The following CCDC85C variants were observed in gnomAD, a reference collection of about 807,000 sequenced individuals.
The protein encoded by CCDC85C is coiled-coil domain containing 85C.
In CCDC85C, 18 loss-of-function variants were observed where a neutral mutation model predicts 38.3. The observed-to-expected ratio is 0.47, with a 90% CI of 0.33 to 0.70. The LOEUF is 0.70. Ranked by LOEUF, CCDC85C falls within the 30% of genes least tolerant of loss-of-function variation. The probability of loss-of-function intolerance (pLI) is 0.03; values close to 1 mark genes in which losing one functional copy is unlikely to be tolerated. For synonymous variants in CCDC85C, 264 were observed against 293.8 expected, an observed-to-expected ratio of 0.90 and a Z score of 1.04; for missense variants, 566 against 621.2, an observed-to-expected ratio of 0.91 and a Z score of 0.94.
Position 99,503,193 on chromosome 14 carries a change from C to T in CCDC85C, c.*12053G>A. The T allele has an allele frequency of 1.4e-6, 1 of 707,728 alleles. No individual in the cohort carries two copies. Among genetic ancestry groups the T allele is most frequent in the Non-Finnish European group, 2.5e-6 (1 of 393,878 alleles). The allele number at this position is 707,728 out of a possible 1,614,324, so 43.8% of individuals were successfully genotyped here. Reference sequence around the variant, plus strand: ...CCTCTGAGAACCAGGAGGGGGCTCTCTGCCCGGCTCCAGCCCTGCTGCCTG... The same window carrying T: ...CCTCTGAGAACCAGGAGGGGGCTCTTTGCCCGGCTCCAGCCCTGCTGCCTG... On this transcript the variant is annotated 3_prime_UTR_variant, in exon 6 of 6. Transcript: ENST00000380243.
At chr14:99,562,896 T>A (rs1461169195) in intron 1 of CCDC85C, among the ~76,000 whole-genome samples, 1 of 152,092 alleles carries the variant, frequency 6.6e-6, no homozygotes. Flanking sequence ...CACACAGGTA[T>A]GTGCACACTC....
intron 2 of CCDC85C, among the ~76,000 whole-genome samples, chr14:99,532,508 CTGAG>C (rs1213486807): frequency 6.6e-6 from 1 of 152,204 alleles, no homozygotes; most frequent in Non-Finnish European, 1.5e-5. Flanking sequence ...CAGTTAAACA[CTGAG>C]TGAATGAGTG....
chr14:99,593,139 A>T (rs374229855), intron 1 of CCDC85C, among the ~76,000 whole-genome samples: 1 of 152,226 alleles, frequency 6.6e-6, no homozygotes, highest in South Asian at 2.1e-4. Flanking sequence ...GCGCGGTGAC[A>T]GGCGGGCGCA....
chr14:99,539,072 C>A (rs1897661452), intron 1 of CCDC85C, among the ~76,000 whole-genome samples: 1 of 152,212 alleles, frequency 6.6e-6, no homozygotes, highest in South Asian at 2.1e-4. Flanking sequence ...ACACTGCAGA[C>A]CACCAGGCTT....
intron 1 of CCDC85C, among the ~76,000 whole-genome samples, chr14:99,581,170 T>C (rs1410255942): frequency 6.6e-6 from 1 of 152,104 alleles, no homozygotes; most frequent in Non-Finnish European, 1.5e-5. Context: ...GGAGAAGGAA[T>C]GGCAGGTGTG....
intron 1 of CCDC85C, among the ~76,000 whole-genome samples, chr14:99,581,766 G>A (rs1048818193): frequency 5.3e-5 from 8 of 152,352 alleles, no homozygotes; most frequent in African/African-American, 1.7e-4. Flanking sequence ...ACGACCCTTT[G>A]TAAATGGCCC....
chr14:99,536,062 G>A lies in CCDC85C; in HGVS notation c.820C>T (p.Leu274=), dbSNP rs1481645642. 1.9e-6 allele frequency: 3 copies of A among 1,551,374 alleles called. No homozygotes were observed. The African/African-American group carries it at 4.1e-5, about 21-fold the overall frequency. ...TCCAGCAGCCTCACTTTGCTCTCCA[G>A]TTGCCTGATGTAGGTGGATGAGGGA... ...HDPSSTYIRQ[L]ESKVRLLEGD... The change falls in exon 2 of 6, where the codon CTG becomes TTG. Residue 274 remains leucine, a synonymous_variant. Coordinates refer to ENST00000380243, the MANE Select transcript of CCDC85C (RefSeq NM_001144995.2).
At chr14:99,577,741 A>AGT (rs148440733) in intron 1 of CCDC85C, among the ~76,000 whole-genome samples, 8,694 of 127,060 alleles carry the variant, frequency 0.068, 573 homozygotes, top group African/African-American at 0.16. Context: ...ATCCCCCATC[A>AGT]GTGTGTGTGT....
intron 1 of CCDC85C, among the ~76,000 whole-genome samples, chr14:99,567,077 C>T (rs886924929): frequency 1.3e-5 from 2 of 152,338 alleles, no homozygotes; most frequent in East Asian, 1.9e-4. Context: ...GCCTAGATTC[C>T]CCTCCAACGC....
At chr14:99,546,456 G>C (rs544715319) in intron 1 of CCDC85C, among the ~76,000 whole-genome samples, 2 of 152,216 alleles carry the variant, frequency 1.3e-5, no homozygotes, top group Admixed American at 1.3e-4. Context: ...TTGATCTGCG[G>C]TGAGAGCAGT....
In CCDC85C at chr14:99,520,692, C is replaced by T. The variant is rs987034493; in HGVS notation, c.975+1441G>A. Among the ~76,000 whole-genome samples, 5 of 152,214 alleles carry T rather than the reference C, an allele frequency of 3.3e-5. No individual in the cohort carries two copies. Among genetic ancestry groups the T allele is most frequent in the Non-Finnish European group, 5.9e-5 (4 of 68,042 alleles). On this transcript the variant is annotated intron_variant, in intron 3 of 5. Transcript: ENST00000380243. This position sits in a 1 kb window ranked among gnomAD's most constrained non-coding sequence, Gnocchi z 4.1. ...TGGAGGAGCGACCCCTGCACAGCCC[C>T]CACGCTGGCCCCTGACCTCTAGGCA...
intron 1 of CCDC85C, among the ~76,000 whole-genome samples, chr14:99,600,383 C>G (rs961529524): frequency 7.2e-5 from 11 of 152,224 alleles, no homozygotes; most frequent in Non-Finnish European, 1.5e-4. Flanking sequence ...TCAAGTCACC[C>G]TGAGCCTCTG....
At chr14:99,568,441 T>C (rs1898266543) in intron 1 of CCDC85C, among the ~76,000 whole-genome samples, 1 of 151,992 alleles carries the variant, frequency 6.6e-6, no homozygotes, top group African/African-American at 2.4e-5. Context: ...TCAGAACCTC[T>C]GTCCGAGGCA....
At chr14:99,567,125 T>C (rs988396067) in intron 1 of CCDC85C, among the ~76,000 whole-genome samples, 1 of 124,466 alleles carries the variant, frequency 8.0e-6, no homozygotes, top group Non-Finnish European at 1.7e-5. Flanking sequence ...TCCTCATGTG[T>C]GAGATGGGAA....
intron 1 of CCDC85C, among the ~76,000 whole-genome samples, chr14:99,568,068 C>T (rs1476268716): frequency 6.6e-6 from 1 of 151,972 alleles, no homozygotes; most frequent in Non-Finnish European, 1.5e-5. Context: ...GGGCACTGGT[C>T]CCAGACTGGC....
At chr14:99,524,783 G>C (rs943462736) in intron 2 of CCDC85C, among the ~76,000 whole-genome samples, 4 of 152,238 alleles carry the variant, frequency 2.6e-5, no homozygotes, top group Non-Finnish European at 5.9e-5. Flanking sequence ...TCTGCACACA[G>C]AGAAGAGCCC....
At chr14:99,530,637 G>GCCA (rs1171725240) in intron 2 of CCDC85C, among the ~76,000 whole-genome samples, 10 of 152,342 alleles carry the variant, frequency 6.6e-5, no homozygotes, top group Admixed American at 5.9e-4. Flanking sequence ...TTGGGGATGG[G>GCCA]CCAGGCCCAA....
At chr14:99,570,163 T>G (rs777728691) in intron 1 of CCDC85C, among the ~76,000 whole-genome samples, 50 of 151,842 alleles carry the variant, frequency 3.3e-4, no homozygotes, top group African/African-American at 1.2e-3. Flanking sequence ...CTCACATACC[T>G]CATCCCATCC....
chr14:99,504,253 T>G lies in CCDC85C; in HGVS notation c.*10993A>C, dbSNP rs1896916158. 1 of 174,112 alleles carries G rather than the reference T, an allele frequency of 5.7e-6. No individual in the cohort carries two copies. The highest frequency in any genetic ancestry group is 6.3e-5 in the Admixed American group (1 of 15,790). 10.8% of individuals were successfully genotyped at this position (174,112 alleles called of 1,614,324 possible). A position where few individuals can be genotyped will look rare whatever the true frequency, so the allele number is the denominator to read the frequency against. ...AGTCCACCTATCATACTGAACTCTT[T>G]GAAGGCACAGACCCTATTGACTCAT... On this transcript the variant is annotated 3_prime_UTR_variant, in exon 6 of 6. Coordinates refer to ENST00000380243, the MANE Select transcript of CCDC85C (RefSeq NM_001144995.2).
Sources: gnomAD v4.1 joint callset for allele counts (sites outside exome capture counted in the v4.1 genomes callset) on GRCh38, gnomAD v4.1.1 for gene constraint, Gnocchi (gnomAD v3.1) non-coding constraint, MANE v1.5 for transcripts, NCBI Gene and HGNC (gene_info 2026-07-23, HGNC 2026-07-21) for gene names.